The following ZNF804B variants were observed in gnomAD, a reference collection of about 807,000 sequenced individuals.
ZNF804B encodes the protein zinc finger 804B.
Under a neutral mutation model 101.4 loss-of-function variants are expected in ZNF804B, and 80 were observed. That is an observed-to-expected ratio of 0.79 (90% CI 0.66 to 0.95). The LOEUF is 0.95. Among genes scored for constraint, ZNF804B ranks in the 40% least tolerant of loss-of-function variants. ZNF804B has a pLI of 0.00. For missense variants in ZNF804B, 1,673 were observed against 1,561.9 expected (o/e 1.07, Z -1.20); for synonymous variants, 622 against 558.8 (o/e 1.11, Z -1.59).
At chr7:88,958,677 A>C (rs969045875) in intron 1 of ZNF804B, among the ~76,000 whole-genome samples, 1 of 151,424 alleles carries the variant, frequency 6.6e-6, no homozygotes, top group Non-Finnish European at 1.5e-5. Flanking sequence ...TTGGCCTTTA[A>C]CCTACCTCTG....
At position 89,092,698 on chromosome 7, in the gene ZNF804B, A is replaced by T. The variant is rs186930392; in HGVS notation, c.109-125457A>T. On this transcript the variant is annotated intron_variant, in intron 1 of 3. Transcript: ENST00000333190. ...AGTGCGTTGATTTATTTTCTTCCTC[A>T]AACTGTACCAGCTTTGGCTATTGGA... Among the ~76,000 whole-genome samples the T allele has an allele frequency of 3.9e-3, 598 of 152,064 alleles. 1 individual carries two copies. The highest frequency in any genetic ancestry group is 6.5e-3 in the Non-Finnish European group (445 of 67,976).
At chr7:89,101,337 A>T (rs1187537403) in intron 1 of ZNF804B, among the ~76,000 whole-genome samples, 1 of 152,026 alleles carries the variant, frequency 6.6e-6, no homozygotes, top group Non-Finnish European at 1.5e-5. Context: ...TACTTATCAG[A>T]TATATTCATT....
At position 88,885,173 on chromosome 7, in the gene ZNF804B, T is replaced by C. The variant is rs181141870; in HGVS notation, c.108+125089T>C. On this transcript the variant is annotated intron_variant, in intron 1 of 3. Coordinates refer to ENST00000333190, the MANE Select transcript of ZNF804B (RefSeq NM_181646.5). The stretch of plus-strand genomic sequence containing the variant: ...TTCAGTTTATGTACTAAAGATTCCA[T>C]CACCAAAGTGAAAATAGTTGGGCAT... Among the ~76,000 whole-genome samples, 55 of 152,046 alleles carry C rather than the reference T, an allele frequency of 3.6e-4. No individual in the cohort carries two copies. In the East Asian group the frequency reaches 5.6e-3, roughly 15 times the overall value.
At chr7:89,304,110 C>T (rs1182712339) in intron 2 of ZNF804B, among the ~76,000 whole-genome samples, 1 of 151,858 alleles carries the variant, frequency 6.6e-6, no homozygotes, top group African/African-American at 2.4e-5. Flanking sequence ...GAAATGTAAA[C>T]ATTCTATAAT....
intron 1 of ZNF804B, among the ~76,000 whole-genome samples, chr7:88,760,874 G>T (rs1789884046): frequency 2.1e-5 from 3 of 142,852 alleles, no homozygotes. Flanking sequence ...ATGTGTATGT[G>T]TGTGTAATTT....
At chr7:89,010,296 G>T (rs1287763993) in intron 1 of ZNF804B, among the ~76,000 whole-genome samples, 1 of 152,234 alleles carries the variant, frequency 6.6e-6, no homozygotes, top group East Asian at 1.9e-4. Flanking sequence ...GGACAGAAAC[G>T]GAACCAGGAA....
intron 1 of ZNF804B, among the ~76,000 whole-genome samples, chr7:89,187,468 A>T (rs138760894): frequency 6.6e-6 from 1 of 152,304 alleles, no homozygotes; most frequent in African/African-American, 2.4e-5. Flanking sequence ...AACAGTCTGA[A>T]CAAGTGGTTT....
chr7:89,232,420 A>G (rs756419802), intron 2 of ZNF804B, among the ~76,000 whole-genome samples: 1 of 152,156 alleles, frequency 6.6e-6, no homozygotes. Context: ...GGTATCGAAT[A>G]CTAGAATTAG....
chr7:89,105,404 T>A (rs1790119375), intron 1 of ZNF804B, among the ~76,000 whole-genome samples: 2 of 152,104 alleles, frequency 1.3e-5, no homozygotes, highest in South Asian at 4.1e-4. Flanking sequence ...CTTTAGTAAC[T>A]GAACTAAAGC....
chr7:89,262,545 C>G (rs1789726661), intron 2 of ZNF804B, among the ~76,000 whole-genome samples: 1 of 152,126 alleles, frequency 6.6e-6, no homozygotes, highest in South Asian at 2.1e-4. Context: ...TATGTAAGTG[C>G]TTGCTCTTAT....
At chr7:88,845,301 G>GCACGCGCGCGCGCACGCGCGCGCA (rs1791356623) in intron 1 of ZNF804B, among the ~76,000 whole-genome samples, 1 of 149,920 alleles carries the variant, frequency 6.7e-6, no homozygotes, top group Non-Finnish European at 1.5e-5. Flanking sequence ...GCACGCGCGC[G>GCACGCGCGCGCGCACGCGCGCGCA]CACACACACA....
rs539911954 is a variant in ZNF804B, at chr7:89,134,904, G to A, written c.109-83251G>A. 1.8e-4 allele frequency among the ~76,000 whole-genome samples: 28 copies of A among 152,024 alleles called. No individual in the cohort carries two copies. In the South Asian group the frequency reaches 5.8e-3, roughly 32 times the overall value. ...ATGCTGATCTCTGGCTAATAATTAG[G>A]AAAGGTAATGTGCCTGTTATTTTTG... On this transcript the variant is annotated intron_variant, in intron 1 of 3. Coordinates refer to ENST00000333190, the MANE Select transcript of ZNF804B (RefSeq NM_181646.5).
intron 1 of ZNF804B, among the ~76,000 whole-genome samples, chr7:88,787,347 C>G (rs1230500281): frequency 6.6e-6 from 1 of 152,058 alleles, no homozygotes; most frequent in East Asian, 1.9e-4. Context: ...GCTGACTATA[C>G]TCAAATTACT....
intron 1 of ZNF804B, among the ~76,000 whole-genome samples, chr7:88,819,041 A>G (rs1373524405): frequency 6.6e-6 from 1 of 152,226 alleles, no homozygotes; most frequent in Non-Finnish European, 1.5e-5. Context: ...AAACAGCAGC[A>G]GGAGATAGTA....
intron 2 of ZNF804B, among the ~76,000 whole-genome samples, chr7:89,300,410 A>G (rs909327982): frequency 1.3e-5 from 2 of 151,460 alleles, no homozygotes; most frequent in African/African-American, 4.8e-5. Flanking sequence ...TACTTCATGC[A>G]CTTAATGACT....
intron 1 of ZNF804B, among the ~76,000 whole-genome samples, chr7:89,010,117 T>C (rs1788432811): frequency 6.6e-6 from 1 of 152,184 alleles, no homozygotes; most frequent in South Asian, 2.1e-4. Flanking sequence ...TCTTATCTTT[T>C]CTTGGACCTT....
At chr7:88,822,714 T>C (rs1309291383) in intron 1 of ZNF804B, among the ~76,000 whole-genome samples, 1 of 152,196 alleles carries the variant, frequency 6.6e-6, no homozygotes, top group Non-Finnish European at 1.5e-5. Context: ...ATTCCAAGAA[T>C]AGCTCTGTTC....
intron 2 of ZNF804B, among the ~76,000 whole-genome samples, chr7:89,220,342 A>G (rs927045866): frequency 6.6e-6 from 1 of 151,644 alleles, no homozygotes. Context: ...GTGCATAACA[A>G]TGACCTCAGA....
chr7:89,277,979 G>A (rs1466715157), intron 2 of ZNF804B, among the ~76,000 whole-genome samples: 1 of 152,090 alleles, frequency 6.6e-6, no homozygotes, highest in Non-Finnish European at 1.5e-5. Flanking sequence ...GTGTAAAAGT[G>A]TTCTTATTTC....
Sources: gnomAD v4.1 joint callset for allele counts (sites outside exome capture counted in the v4.1 genomes callset) on GRCh38, gnomAD v4.1.1 for gene constraint, MANE v1.5 for transcripts, NCBI Gene and HGNC (gene_info 2026-07-23, HGNC 2026-07-21) for gene names.